KIF16B: variants seen among roughly 807,000 people sequenced by gnomAD.
The protein encoded by KIF16B is kinesin-like protein KIF16B.
A neutral mutation model predicts 156.3 loss-of-function variants in KIF16B; 98 were observed. That is an observed-to-expected ratio of 0.63 (90% CI 0.53 to 0.74). The LOEUF (loss-of-function observed/expected upper bound fraction) is 0.74. KIF16B is among the 30% of genes least tolerant of loss of function. KIF16B has a pLI of 0.00. For synonymous variants in KIF16B, 564 were observed against 583.7 expected (o/e 0.97, Z 0.49); for missense variants, 1,421 against 1,606.5 (o/e 0.88, Z 1.97).
At chr20:16,396,407 T>C (rs954523873) in intron 17 of KIF16B, among the ~76,000 whole-genome samples, 1 of 152,032 alleles carries the variant, frequency 6.6e-6, no homozygotes, top group Non-Finnish European at 1.5e-5. Flanking sequence ...CATATGGACA[T>C]TAAAATAATG....
rs73898752 is a variant in KIF16B at position 16,441,228 on chromosome 20, G to C, written c.1303-11246C>G. 6.7e-3 allele frequency among the ~76,000 whole-genome samples: 1,019 copies of C among 152,186 alleles called. 15 individuals carry two copies. The highest frequency in any genetic ancestry group is 0.023 in the African/African-American group (961 of 41,504). On this transcript the variant is annotated intron_variant, in intron 12 of 25. Transcript: ENST00000354981. The stretch of plus-strand genomic sequence containing the variant: ...GCCCAGAAAGCATCAGTCTGACATT[G>C]GCCTTACACTTTGGTCTTGTAAAGC...
At chr20:16,280,841 C>CGCGTGTGTGT (rs112026824) in intron 25 of KIF16B, among the ~76,000 whole-genome samples, 5,889 of 74,400 alleles carry the variant, frequency 0.079, 156 homozygotes, top group Non-Finnish European at 0.11. Context: ...TGCGCGCGCA[C>CGCGTGTGTGT]GTGTGTGTGT....
chr20:16,411,271 G>C (rs1423121144), intron 15 of KIF16B, among the ~76,000 whole-genome samples: 1 of 151,996 alleles, frequency 6.6e-6, no homozygotes, highest in African/African-American at 2.4e-5. Context: ...ATACACAATT[G>C]AGATCTTCAC....
chr20:16,502,880 T>C (rs1301166331), intron 10 of KIF16B, among the ~76,000 whole-genome samples: 2 of 152,208 alleles, frequency 1.3e-5, no homozygotes, highest in East Asian at 1.9e-4. Flanking sequence ...CAAATCATCA[T>C]TAAAGGCTTA....
chr20:16,445,501 T>G (rs926098726), intron 12 of KIF16B, among the ~76,000 whole-genome samples: 1 of 150,184 alleles, frequency 6.7e-6, no homozygotes, highest in African/African-American at 2.5e-5. Flanking sequence ...TATTTTTAAG[T>G]GAGCAATTTG....
intron 23 of KIF16B, among the ~76,000 whole-genome samples, chr20:16,336,431 A>G (rs947516888): frequency 6.6e-6 from 1 of 152,194 alleles, no homozygotes; most frequent in Non-Finnish European, 1.5e-5. Flanking sequence ...AGCCTTTAAT[A>G]GGCTAGCTGG....
intron 22 of KIF16B, chr20:16,367,456 C>T (rs369447121): frequency 2.5e-4 from 396 of 1,612,724 alleles, no homozygotes; most frequent in Non-Finnish European, 3.1e-4. Flanking sequence ...AGGTATGTTT[C>T]GAGATCGAAT....
At chr20:16,477,189 T>G (rs1038694159) in intron 12 of KIF16B, among the ~76,000 whole-genome samples, 11 of 117,520 alleles carry the variant, frequency 9.4e-5, no homozygotes, top group Non-Finnish European at 1.7e-4. Flanking sequence ...TCCTTGTGGG[T>G]TTTTTTTTTT....
intron 7 of KIF16B, among the ~76,000 whole-genome samples, chr20:16,506,705 A>C (rs747403121): frequency 6.9e-6 from 1 of 144,112 alleles, no homozygotes; most frequent in Admixed American, 7.0e-5. Flanking sequence ...AAAATTTTAT[A>C]TTCACAAATA....
chr20:16,390,517 C>T (rs1232966273), intron 17 of KIF16B, among the ~76,000 whole-genome samples: 1 of 152,102 alleles, frequency 6.6e-6, no homozygotes, highest in African/African-American at 2.4e-5. Flanking sequence ...TCCTATTTTA[C>T]AGGCCAGAAG....
At chr20:16,352,534 C>T (rs1177857624) in intron 23 of KIF16B, among the ~76,000 whole-genome samples, 5 of 152,190 alleles carry the variant, frequency 3.3e-5, no homozygotes, top group Middle Eastern at 3.2e-3. Context: ...ACTTTCTGCC[C>T]TCCCTTGAAA....
At chr20:16,457,930 C>T (rs1391641246) in intron 12 of KIF16B, among the ~76,000 whole-genome samples, 2 of 152,002 alleles carry the variant, frequency 1.3e-5, no homozygotes, top group African/African-American at 4.8e-5. Flanking sequence ...CTACAACTTG[C>T]ATTACATAAG....
At chr20:16,429,204 T>C (rs565146346) in intron 13 of KIF16B, among the ~76,000 whole-genome samples, 200 bp from the exon 14 acceptor site, 1 of 152,176 alleles carries the variant, frequency 6.6e-6, no homozygotes, top group Non-Finnish European at 1.5e-5. Context: ...TGTACAGCAA[T>C]GGTGAGGCCC....
intron 12 of KIF16B, among the ~76,000 whole-genome samples, chr20:16,445,316 G>A (rs6111129): frequency 0.051 from 7,698 of 152,064 alleles, 659 homozygotes; most frequent in African/African-American, 0.18. Flanking sequence ...CTAACATTCT[G>A]TACTCCTGGA....
intron 12 of KIF16B, among the ~76,000 whole-genome samples, chr20:16,484,437 C>T (rs1257683935): frequency 6.6e-6 from 1 of 152,144 alleles, no homozygotes; most frequent in Non-Finnish European, 1.5e-5. Context: ...ATTACTTTGC[C>T]TTTCATCTTA....
At chr20:16,505,993 G>GAGGAGGC in intron 8 of KIF16B, 29 bp downstream of exon 8, 1 of 1,612,814 alleles carries the variant, frequency 6.2e-7, no homozygotes, top group South Asian at 1.1e-5. Flanking sequence ...GGAGGAAACA[G>GAGGAGGC]AGGAGGCAGG....
chr20:16,563,222 T>C (rs753057795), intron 1 of KIF16B, among the ~76,000 whole-genome samples: 16 of 152,210 alleles, frequency 1.1e-4, no homozygotes, highest in Non-Finnish European at 1.3e-4. Flanking sequence ...GAAGGCAAGC[T>C]TCCTGGCCCC....
chr20:16,420,219 C>G (rs1288742674), intron 15 of KIF16B, among the ~76,000 whole-genome samples: 1 of 152,118 alleles, frequency 6.6e-6, no homozygotes, highest in Non-Finnish European at 1.5e-5. Context: ...AGTGAAGACA[C>G]TAACAGATGA....
intron 19 of KIF16B, among the ~76,000 whole-genome samples, chr20:16,376,950 A>G (rs891136763): frequency 2.6e-5 from 4 of 152,072 alleles, no homozygotes; most frequent in African/African-American, 9.7e-5. Flanking sequence ...AGGGTTTTTG[A>G]TTGTTATTTT....
Sources: gnomAD v4.1 joint callset for allele counts (sites outside exome capture counted in the v4.1 genomes callset) on GRCh38, gnomAD v4.1.1 for gene constraint, MANE v1.5 for transcripts, NCBI Gene and HGNC (gene_info 2026-07-23, HGNC 2026-07-21) for gene names.